HDAC9: variants seen among roughly 807,000 people sequenced by gnomAD.
The protein encoded by HDAC9 is MEF-2 interacting transcription repressor (MITR) protein.
A neutral mutation model predicts 139.4 loss-of-function variants in HDAC9; 41 were observed. The observed-to-expected ratio is 0.29, with a 90% CI of 0.23 to 0.38. HDAC9 has a LOEUF of 0.38. HDAC9 is among the 10% of genes least tolerant of loss of function. The pLI, the probability that HDAC9 is intolerant of heterozygous loss-of-function variation, is 1.00. For synonymous variants in HDAC9, 517 were observed against 476.2 expected, an observed-to-expected ratio of 1.09 and a Z score of -1.12; for missense variants, 1,147 against 1,297.0, an observed-to-expected ratio of 0.88 and a Z score of 1.78.
intron 1 of HDAC9, among the ~76,000 whole-genome samples, chr7:18,129,811 G>A (rs1784893125): frequency 6.6e-6 from 1 of 152,132 alleles, no homozygotes; most frequent in Admixed American, 6.6e-5. Context: ...GGAGGAGAAG[G>A]CAATAAAATA....
At chr7:18,604,743 A>G (rs1834982699) in intron 6 of HDAC9, among the ~76,000 whole-genome samples, 1 of 152,040 alleles carries the variant, frequency 6.6e-6, no homozygotes, top group South Asian at 2.1e-4. Flanking sequence ...GATCTCCAGC[A>G]TTCCCTTTTC....
chr7:18,568,658 A>C (rs1175870230), intron 2 of HDAC9, among the ~76,000 whole-genome samples: 1 of 152,194 alleles, frequency 6.6e-6, no homozygotes, highest in African/African-American at 2.4e-5. Flanking sequence ...TTTTAGATGA[A>C]ATACACTATG....
At chr7:18,217,717 G>A (rs930354309) in intron 2 of HDAC9, among the ~76,000 whole-genome samples, 5 of 152,218 alleles carry the variant, frequency 3.3e-5, no homozygotes, top group African/African-American at 1.2e-4. Context: ...TAAAATGGCA[G>A]TTTATTCTCT....
At chr7:18,552,085 A>T (rs1324719681) in intron 2 of HDAC9, among the ~76,000 whole-genome samples, 1 of 152,220 alleles carries the variant, frequency 6.6e-6, no homozygotes, top group East Asian at 1.9e-4. Flanking sequence ...CTGTGTAGTA[A>T]CTGTGATTAA....
chr7:18,281,792 G>A (rs1032224567), intron 2 of HDAC9, among the ~76,000 whole-genome samples: 2 of 152,182 alleles, frequency 1.3e-5, no homozygotes, highest in African/African-American at 4.8e-5. Context: ...CAAGGTTAGA[G>A]TTAGTGTCCT....
intron 2 of HDAC9, among the ~76,000 whole-genome samples, chr7:18,570,435 T>A (rs1823903609): frequency 6.6e-6 from 1 of 152,250 alleles, no homozygotes; most frequent in South Asian, 2.1e-4. Flanking sequence ...CAAATGTTTT[T>A]CTTCACCTTT....
upstream of HDAC9, among the ~76,000 whole-genome samples, chr7:18,491,376 A>C (rs1429584253): frequency 6.6e-6 from 1 of 152,014 alleles, no homozygotes; most frequent in African/African-American, 2.4e-5. Flanking sequence ...GTTATGATGC[A>C]GACAAACCGT....
intron 2 of HDAC9, among the ~76,000 whole-genome samples, chr7:18,246,236 C>T (rs1794516440): frequency 6.6e-6 from 1 of 150,556 alleles, no homozygotes; most frequent in African/African-American, 2.5e-5. Context: ...TTAGATAAGA[C>T]AGTGAACAGA....
chr7:18,098,004 A>G (rs1357404342), intron 1 of HDAC9, among the ~76,000 whole-genome samples: 1 of 152,184 alleles, frequency 6.6e-6, no homozygotes, highest in African/African-American at 2.4e-5. Flanking sequence ...AAAATGTCTG[A>G]ATATTCTTTT....
chr7:18,546,651 T>G (rs1444727636), intron 2 of HDAC9, among the ~76,000 whole-genome samples: 1 of 152,224 alleles, frequency 6.6e-6, no homozygotes, highest in Non-Finnish European at 1.5e-5. Context: ...GTTGGTATTT[T>G]GTGTTGTATA....
At chr7:18,273,727 A>G (rs144282760) in intron 2 of HDAC9, among the ~76,000 whole-genome samples, 1 of 152,332 alleles carries the variant, frequency 6.6e-6, no homozygotes, top group Admixed American at 6.5e-5. Flanking sequence ...AACATTAAAT[A>G]TAACAAAGAA....
chr7:18,920,930 ATATCTACAAC>A (rs1262520105), intron 22 of HDAC9, among the ~76,000 whole-genome samples: 1 of 152,102 alleles, frequency 6.6e-6, no homozygotes, highest in East Asian at 1.9e-4. Flanking sequence ...ATAATGCCGC[ATATCTACAAC>A]TATCTGATCT....
chr7:18,229,533 A>G (rs769911980), intron 2 of HDAC9, among the ~76,000 whole-genome samples: 37 of 152,320 alleles, frequency 2.4e-4, no homozygotes, highest in Admixed American at 2.0e-3. Context: ...GTTTCCATCA[A>G]TCATATGGAC....
intron 1 of HDAC9, among the ~76,000 whole-genome samples, chr7:18,485,882 C>A (rs543148364): frequency 1.4e-4 from 22 of 152,212 alleles, no homozygotes; most frequent in African/African-American, 4.1e-4. Context: ...CTTATCCATA[C>A]AATAAGCCAC....
intron 1 of HDAC9, among the ~76,000 whole-genome samples, chr7:18,290,859 A>AT (rs1298896523): frequency 6.6e-6 from 1 of 152,192 alleles, no homozygotes; most frequent in Non-Finnish European, 1.5e-5. Context: ...CAGCAGGGGC[A>AT]TTATCTACTG....
intron 6 of HDAC9, among the ~76,000 whole-genome samples, chr7:18,605,573 GA>G (rs1369001133): frequency 6.6e-6 from 1 of 152,114 alleles, no homozygotes; most frequent in African/African-American, 2.4e-5. Flanking sequence ...CACTTAAACA[GA>G]AAGGGATTTT....
chr7:18,936,342 C>T (rs1463253859), intron 23 of HDAC9, among the ~76,000 whole-genome samples: 2 of 152,130 alleles, frequency 1.3e-5, no homozygotes, highest in African/African-American at 2.4e-5. Flanking sequence ...TTTAAGAATT[C>T]TTTATGCTAA....
At chr7:18,961,736 T>G (rs577556651) in intron 24 of HDAC9, among the ~76,000 whole-genome samples, 3 of 152,346 alleles carry the variant, frequency 2.0e-5, no homozygotes, top group African/African-American at 7.2e-5. Flanking sequence ...AAGTAGTTAC[T>G]ATTTTCATTC....
chr7:18,708,383 G>A lies in HDAC9; in HGVS notation c.1732-19197G>A, dbSNP rs553588000. 9.1e-4 allele frequency among the ~76,000 whole-genome samples: 139 copies of A among 152,276 alleles called. 1 individual carries two copies. In the South Asian group the frequency reaches 0.027, roughly 30 times the overall value. ...AGACAGGATCTTTAACAAACAGCAC[G>A]TATTTGTGTGTCCACATGGCTTTCT... On this transcript the variant is annotated intron_variant, in intron 12 of 25. Transcript: ENST00000686413.
Sources: allele counts gnomAD v4.1 joint callset (sites outside exome capture counted in the v4.1 genomes callset), GRCh38; gene constraint gnomAD v4.1.1; transcripts MANE v1.5; gene names NCBI Gene and HGNC (gene_info 2026-07-23, HGNC 2026-07-21).